The following VAC14 variants were observed in gnomAD, a reference collection of about 807,000 sequenced individuals.
The protein encoded by VAC14 is protein VAC14 homolog.
Under a neutral mutation model 85.3 loss-of-function variants are expected in VAC14, and 47 were observed. The ratio of observed to expected loss-of-function variants is 0.55; its 90% CI spans 0.44 to 0.70. The LOEUF is 0.70. Ranked by LOEUF, VAC14 falls within the 30% of genes least tolerant of loss-of-function variation. The pLI is 0.00. For synonymous variants in VAC14, 447 were observed against 430.5 expected, an observed-to-expected ratio of 1.04 and a Z score of -0.47; for missense variants, 861 against 1,004.3, an observed-to-expected ratio of 0.86 and a Z score of 1.93.
At chr16:70,693,177 C>A (rs1284196418) in intron 17 of VAC14, among the ~76,000 whole-genome samples, 1 of 152,218 alleles carries the variant, frequency 6.6e-6, no homozygotes, top group Non-Finnish European at 1.5e-5. Flanking sequence ...GCGCTGCCCC[C>A]ACCTCCCCCA....
intron 16 of VAC14, chr16:70,696,799 G>A (rs779309343): frequency 7.3e-5 from 21 of 288,350 alleles, no homozygotes; most frequent in Admixed American, 1.8e-4. Context: ...CTTCTCCCAG[G>A]GGCAGGAGCT....
chr16:70,720,217 T>A (rs1224257746), intron 14 of VAC14, among the ~76,000 whole-genome samples: 1 of 152,218 alleles, frequency 6.6e-6, no homozygotes, highest in East Asian at 1.9e-4. Context: ...AAGTGACCTC[T>A]CTGGTGCTGG....
intron 13 of VAC14, among the ~76,000 whole-genome samples, chr16:70,740,219 C>A (rs1285195403): frequency 6.6e-6 from 1 of 152,188 alleles, no homozygotes; most frequent in Non-Finnish European, 1.5e-5. Context: ...CCTCAGCCTC[C>A]CAAAGTGCTG....
At chr16:70,733,820 C>G (rs566401900) in intron 13 of VAC14, among the ~76,000 whole-genome samples, 3 of 152,022 alleles carry the variant, frequency 2.0e-5, no homozygotes, top group East Asian at 3.9e-4. Context: ...TCAATCAGGT[C>G]TTTTTGTTTT....
chr16:70,697,328 T>C, intron 15 of VAC14, 71 bp from the exon 16 acceptor site: 1 of 1,317,148 alleles, frequency 7.6e-7, no homozygotes, highest in Non-Finnish European at 1.1e-6. Context: ...CGTGGGGACC[T>C]GAGGGAAGGG....
chr16:70,697,016 G>A (rs1171050411), intron 16 of VAC14, 123 bp downstream of exon 16: 2 of 743,510 alleles, frequency 2.7e-6, no homozygotes, highest in Admixed American at 2.1e-5. Context: ...AAGCCCTGAG[G>A]CTGAGTGGAG....
intron 14 of VAC14, among the ~76,000 whole-genome samples, chr16:70,713,018 A>T (rs1411829461): frequency 6.6e-6 from 1 of 152,172 alleles, no homozygotes; most frequent in Non-Finnish European, 1.5e-5. Context: ...AAATGAGAGG[A>T]TCAACAGCCA....
In VAC14 at chr16:70,783,360, C is replaced by T. The variant is rs933953590; in HGVS notation, c.704+85G>A. On this transcript the variant is annotated intron_variant, in intron 6 of 18. Coordinates refer to ENST00000261776, the MANE Select transcript of VAC14 (RefSeq NM_018052.5). ...GAAGAGGTGATTTCCTGCCCTCCTG[C>T]CGCGGCCTCTCTGTGGGCATGAAGC... 14 of 1,380,390 alleles carry T rather than the reference C, an allele frequency of 1.0e-5. No homozygotes were observed. The African/African-American group carries it at 1.7e-4, about 17-fold the overall frequency. The allele number at this position is 1,380,390 out of a possible 1,614,324, so 85.5% of individuals were successfully genotyped here.
At chr16:70,769,097 T>C (rs1345775034) in intron 10 of VAC14, 1 of 218,916 alleles carries the variant, frequency 4.6e-6, no homozygotes, top group African/African-American at 2.4e-5. Flanking sequence ...ATTATAAGCG[T>C]GAGCCACCGT....
rs371447274 is a variant in VAC14, at chr16:70,773,621, A to G, written c.1097-1449T>C. ...GGGAGGTGCTATAGGAAAAAATTCC[A>G]GACTCCTGATACTAATTTTTTGTAG... On this transcript the variant is annotated intron_variant, in intron 9 of 18. Transcript: ENST00000261776. Among the ~76,000 whole-genome samples, 6 of 152,306 alleles carry G rather than the reference A, an allele frequency of 3.9e-5. No individual in the cohort carries two copies. In the East Asian group the frequency reaches 7.7e-4, roughly 20 times the overall value.
At chr16:70,695,687 A>G in intron 16 of VAC14, 64 bp from the exon 17 acceptor site, 2 of 1,505,720 alleles carry the variant, frequency 1.3e-6, no homozygotes, top group Non-Finnish European at 1.8e-6. Context: ...ACAGCACCAC[A>G]CGCCCTCCCC....
chr16:70,737,858 T>C (rs768590314), intron 13 of VAC14, among the ~76,000 whole-genome samples: 5 of 152,198 alleles, frequency 3.3e-5, no homozygotes, highest in Non-Finnish European at 4.4e-5. Context: ...CAGAACCAGA[T>C]GTGAAAACGT....
intron 9 of VAC14, chr16:70,778,449 T>C (rs1202250891): frequency 1.3e-5 from 2 of 152,006 alleles, no homozygotes; most frequent in Non-Finnish European, 2.9e-5. Context: ...TGAGATATAA[T>C]TCATATAACA....
intron 1 of VAC14, among the ~76,000 whole-genome samples, chr16:70,786,661 A>G (rs573111846): frequency 2.0e-5 from 3 of 152,386 alleles, no homozygotes; most frequent in South Asian, 4.1e-4. Context: ...GCAATGCATT[A>G]TCAGTTGATC....
chr16:70,691,528 C>T (rs979340043), intron 18 of VAC14: 9 of 985,368 alleles, frequency 9.1e-6, no homozygotes, highest in African/African-American at 1.7e-5. Context: ...TGCGCCCCCG[C>T]TCCATGGCTG....
intron 13 of VAC14, among the ~76,000 whole-genome samples, chr16:70,737,235 C>T (rs2054784770): frequency 6.6e-6 from 1 of 152,224 alleles, no homozygotes; most frequent in Non-Finnish European, 1.5e-5. Context: ...CTGGGTGCTG[C>T]AGGCGCATGA....
chr16:70,693,011 G>C (rs760942892), intron 17 of VAC14, 40 bp from the exon 18 acceptor site: 1 of 1,588,744 alleles, frequency 6.3e-7, no homozygotes, highest in African/African-American at 1.3e-5. Flanking sequence ...ACCTGGCACT[G>C]CTCTGGGACA....
At chr16:70,734,741 C>A (rs2054697549) in intron 13 of VAC14, among the ~76,000 whole-genome samples, 1 of 152,080 alleles carries the variant, frequency 6.6e-6, no homozygotes, top group South Asian at 2.1e-4. Flanking sequence ...GCTTGACCTG[C>A]CTAAACCCTT....
At chr16:70,730,455 C>T (rs866909390) in intron 14 of VAC14, among the ~76,000 whole-genome samples, 49 of 151,958 alleles carry the variant, frequency 3.2e-4, no homozygotes, top group African/African-American at 1.1e-3. Flanking sequence ...ACAGCCTAGG[C>T]CCCTGCCGGG....
Sources: allele counts gnomAD v4.1 joint callset (sites outside exome capture counted in the v4.1 genomes callset), GRCh38; gene constraint gnomAD v4.1.1; transcripts MANE v1.5; gene names NCBI Gene and HGNC (gene_info 2026-07-23, HGNC 2026-07-21).